Variants in KIAA1328 observed in about 807,000 individuals in gnomAD.
KIAA1328 encodes protein hinderin.
A neutral mutation model predicts 68.1 loss-of-function variants in KIAA1328; 52 were observed. The observed-to-expected ratio is 0.76, with a 90% CI of 0.61 to 0.96. The LOEUF (loss-of-function observed/expected upper bound fraction) is 0.96. Among genes scored for constraint, KIAA1328 ranks in the 40% least tolerant of loss-of-function variants. The pLI is 0.00. For synonymous variants in KIAA1328, 232 were observed against 239.4 expected, an observed-to-expected ratio of 0.97 and a Z score of 0.28; for missense variants, 641 against 677.6, an observed-to-expected ratio of 0.95 and a Z score of 0.60.
chr18:36,852,121 A>T (rs896920545), intron 4 of KIAA1328, among the ~76,000 whole-genome samples: 6 of 151,882 alleles, frequency 4.0e-5, no homozygotes, highest in African/African-American at 1.5e-4. Context: ...TTAGAATTTT[A>T]TTCTATTGTG....
At chr18:37,077,207 C>G (rs1487951798) in intron 7 of KIAA1328, among the ~76,000 whole-genome samples, 1 of 142,946 alleles carries the variant, frequency 7.0e-6, no homozygotes, top group Admixed American at 6.8e-5. Context: ...TGTAATCCAG[C>G]ATGTAAACAG....
intron 7 of KIAA1328, among the ~76,000 whole-genome samples, chr18:37,067,851 C>T (rs904080086): frequency 2.0e-4 from 31 of 152,234 alleles, no homozygotes; most frequent in African/African-American, 7.5e-4. Context: ...AGCTACCGCG[C>T]CTGCCCAAGT....
intron 7 of KIAA1328, among the ~76,000 whole-genome samples, chr18:37,088,037 C>T (rs1414018753): frequency 6.6e-6 from 1 of 152,206 alleles, no homozygotes; most frequent in Non-Finnish European, 1.5e-5. Context: ...TGTGCTTTCA[C>T]TACCATCTGC....
At chr18:36,955,843 G>C (rs543277667) in intron 5 of KIAA1328, 1 of 151,992 alleles carries the variant, frequency 6.6e-6, no homozygotes, top group Admixed American at 6.6e-5. Context: ...TTCTGTATTA[G>C]GTCAAGATTA....
In KIAA1328 at chr18:36,844,683, G is replaced by T. The variant is rs1432694864; in HGVS notation, c.332+381G>T. Among the ~76,000 whole-genome samples the T allele has an allele frequency of 2.6e-5, 4 of 151,812 alleles. 1 individual carries two copies. The highest frequency in any genetic ancestry group is 6.6e-5 in the Admixed American group (1 of 15,230). The stretch of plus-strand genomic sequence containing the variant: ...TGAAGAAAAAATATTTCACTCACAA[G>T]AATATCTATTATTGCCTTGCTAATT... On this transcript the variant is annotated intron_variant, in intron 4 of 9. Coordinates refer to ENST00000280020, the MANE Select transcript of KIAA1328 (RefSeq NM_020776.3).
chr18:37,067,354 T>C lies in KIAA1328; in HGVS notation c.1041T>C (p.His347=). 6.2e-7 allele frequency: 1 copy of C among 1,613,818 alleles called. No individual in the cohort carries two copies. Residue 347 remains histidine, a synonymous_variant, in exon 7 of 10, where the codon CAT becomes CAC. Coordinates refer to ENST00000280020, the MANE Select transcript of KIAA1328 (RefSeq NM_020776.3). The part of the protein sequence containing the change: ...YCRLSWASLV[H]GGGALQPIET... ...GGCTTTCTTGGGCATCTCTGGTGCA[T>C]GGTGGTGGGGCACTGCAACCCATTG...
chr18:37,113,528 C>T (rs2058004677), intron 7 of KIAA1328, among the ~76,000 whole-genome samples: 1 of 152,078 alleles, frequency 6.6e-6, no homozygotes, highest in Non-Finnish European at 1.5e-5. Context: ...TGGAAAGGAA[C>T]AACTGGTACC....
intron 9 of KIAA1328, among the ~76,000 whole-genome samples, chr18:37,213,957 G>T (rs1363499263): frequency 2.6e-5 from 4 of 152,124 alleles, no homozygotes; most frequent in Non-Finnish European, 4.4e-5. Flanking sequence ...CTTTAGAGAA[G>T]TGTCTGTTCA....
At chr18:37,079,142 A>T (rs368794772) in intron 7 of KIAA1328, among the ~76,000 whole-genome samples, 1 of 134,388 alleles carries the variant, frequency 7.4e-6, no homozygotes, top group Admixed American at 7.3e-5. Context: ...ATGGAATACT[A>T]TGCAGCCATA....
chr18:37,168,685 T>C (rs2059437475), intron 8 of KIAA1328, among the ~76,000 whole-genome samples: 1 of 152,094 alleles, frequency 6.6e-6, no homozygotes, highest in South Asian at 2.1e-4. Context: ...ATGGTAGAAC[T>C]ATAAAGAATA....
At chr18:37,155,733 G>GA (rs1180765363) in intron 7 of KIAA1328, among the ~76,000 whole-genome samples, 2 of 152,068 alleles carry the variant, frequency 1.3e-5, no homozygotes, top group Non-Finnish European at 2.9e-5. Flanking sequence ...CCTCAGCATG[G>GA]AAAACGCAAC....
At chr18:37,077,587 C>G (rs552162744) in intron 7 of KIAA1328, among the ~76,000 whole-genome samples, 1 of 151,954 alleles carries the variant, frequency 6.6e-6, no homozygotes, top group African/African-American at 2.4e-5. Flanking sequence ...GAAAACTCAT[C>G]GACTCAGCCC....
chr18:36,830,551 G>A lies in KIAA1328; in HGVS notation c.58+1355G>A, dbSNP rs140857216. ...AGGTTATTAGCTTATAGCATCCTAT[G>A]GTACTGTTCAAATATAGAATCAATG... On this transcript the variant is annotated intron_variant, in intron 1 of 9. Transcript: ENST00000280020. Among the ~76,000 whole-genome samples, 37 of 152,194 alleles carry A rather than the reference G, an allele frequency of 2.4e-4. 2 individuals are homozygous for A. The East Asian group carries it at 4.4e-3, about 18-fold the overall frequency.
At chr18:37,190,305 A>G (rs2059881500) in intron 9 of KIAA1328, among the ~76,000 whole-genome samples, 1 of 152,244 alleles carries the variant, frequency 6.6e-6, no homozygotes, top group African/African-American at 2.4e-5. Flanking sequence ...GGATCTATAC[A>G]GAAATTTAGT....
chr18:37,142,830 G>C (rs1211703994), intron 7 of KIAA1328, among the ~76,000 whole-genome samples: 1 of 151,246 alleles, frequency 6.6e-6, no homozygotes, highest in East Asian at 1.9e-4. Context: ...TAGTTTATCA[G>C]TTTCTATTAA....
chr18:36,905,311 C>T (rs992162178), intron 5 of KIAA1328, among the ~76,000 whole-genome samples: 3 of 151,906 alleles, frequency 2.0e-5, no homozygotes, highest in East Asian at 3.9e-4. Context: ...TGAGTTTCAT[C>T]GTGTTGGCCA....
chr18:37,100,237 G>A (rs2057561048), intron 7 of KIAA1328, among the ~76,000 whole-genome samples: 1 of 152,224 alleles, frequency 6.6e-6, no homozygotes, highest in Admixed American at 6.5e-5. Flanking sequence ...CCTCACCCAG[G>A]AAGCACAAGG....
chr18:37,010,392 G>A (rs907931218), intron 6 of KIAA1328, among the ~76,000 whole-genome samples: 14 of 140,038 alleles, frequency 1.0e-4, no homozygotes, highest in Non-Finnish European at 1.5e-4. Context: ...GCAGTGAGCC[G>A]AGATTGTGAC....
At chr18:37,010,441 T>TACAAAAA (rs2053937692) in intron 6 of KIAA1328, among the ~76,000 whole-genome samples, 1 of 90,308 alleles carries the variant, frequency 1.1e-5, no homozygotes, top group Non-Finnish European at 2.0e-5. Context: ...AGACACCATC[T>TACAAAAA]AAAAAAAAAA....
Sources: allele counts gnomAD v4.1 joint callset (sites outside exome capture counted in the v4.1 genomes callset), GRCh38; gene constraint gnomAD v4.1.1; transcripts MANE v1.5; gene names NCBI Gene and HGNC (gene_info 2026-07-23, HGNC 2026-07-21).